Variants in AK2 observed in about 807,000 individuals in gnomAD.
The protein encoded by AK2 is adenylate kinase 2, also known as adenylate kinase 2, mitochondrial.
A neutral mutation model predicts 24.6 loss-of-function variants in AK2; 15 were observed. The observed-to-expected ratio is 0.61, with a 90% CI of 0.41 to 0.94. The LOEUF (loss-of-function observed/expected upper bound fraction) is 0.94. Among genes scored for constraint, AK2 ranks in the 40% least tolerant of loss-of-function variants. The pLI is 0.00. For missense variants in AK2, 257 were observed against 304.1 expected, an observed-to-expected ratio of 0.85 and a Z score of 1.15; for synonymous variants, 102 against 114.0, an observed-to-expected ratio of 0.90 and a Z score of 0.67.
chr1:33,012,794 G>A lies in AK2; in HGVS notation c.*387C>T. On this transcript the variant is annotated 3_prime_UTR_variant, in exon 6 of 6. Transcript: ENST00000672715. ...CACCTGTAGTCCCAGCTGCTCAGGAGGCTGAGGTGGGATAATTGCTTGAGC... is the reference window on the plus strand; with the variant it reads ...CACCTGTAGTCCCAGCTGCTCAGGAAGCTGAGGTGGGATAATTGCTTGAGC... The A allele has an allele frequency of 9.9e-7, 1 of 1,013,670 alleles. No homozygotes were observed. The highest frequency in any genetic ancestry group is 1.3e-5 in the South Asian group (1 of 75,236). 62.8% of individuals were successfully genotyped at this position (1,013,670 alleles called of 1,614,324 possible).
At chr1:33,015,901 T>A (rs1169935205) in intron 4 of AK2, among the ~76,000 whole-genome samples, 12 of 152,090 alleles carry the variant, frequency 7.9e-5, no homozygotes, top group Non-Finnish European at 2.9e-5. Flanking sequence ...ATAAAATAAA[T>A]AAAAATTCTA....
intron 3 of AK2, 35 bp from the exon 4 acceptor site, chr1:33,021,496 G>C: frequency 6.8e-6 from 11 of 1,609,380 alleles, no homozygotes; most frequent in Non-Finnish European, 9.4e-6. Flanking sequence ...TAAGCTACCA[G>C]AGCTTGGTTA....
chr1:33,022,637 G>T (rs1214004166), intron 2 of AK2, among the ~76,000 whole-genome samples: 1 of 152,096 alleles, frequency 6.6e-6, no homozygotes, highest in African/African-American at 2.4e-5. Context: ...TATTACAGGA[G>T]TGAGCCACCA....
rs1029768875 is a variant in AK2, at chr1:33,012,644, C to G, written c.*537G>C. 1 of 1,287,608 alleles carries G rather than the reference C, an allele frequency of 7.8e-7. No homozygotes were observed. The highest frequency in any genetic ancestry group is 2.3e-5 in the Admixed American group (1 of 43,556). 79.8% of individuals were successfully genotyped at this position (1,287,608 alleles called of 1,614,324 possible). A position where few individuals can be genotyped will look rare whatever the true frequency, so the allele number is the denominator to read the frequency against. On this transcript the variant is annotated 3_prime_UTR_variant, in exon 6 of 6. Coordinates refer to ENST00000672715, the MANE Select transcript of AK2 (RefSeq NM_001625.4). Reference sequence around the variant, plus strand: ...GGGTGTAGTGGCTCACGTCTGTGATCCTGGCACTTCAGGAGGCCAAGGTGG... The same window carrying G: ...GGGTGTAGTGGCTCACGTCTGTGATGCTGGCACTTCAGGAGGCCAAGGTGG...
chr1:33,035,021 C>CA (rs969669240), intron 1 of AK2, among the ~76,000 whole-genome samples: 17 of 150,856 alleles, frequency 1.1e-4, no homozygotes, highest in Non-Finnish European at 1.8e-4. Context: ...GACCCTGTCT[C>CA]AAAAAAAAGA....
At chr1:33,019,909 T>C (rs1639423931) in intron 4 of AK2, 7 of 1,392,488 alleles carry the variant, frequency 5.0e-6, no homozygotes, top group Non-Finnish European at 1.9e-6. Flanking sequence ...GTCATGGATG[T>C]CTGGTTCAAG....
At chr1:33,036,651 G>C in intron 1 of AK2, 85 bp downstream of exon 1, 1 of 1,305,328 alleles carries the variant, frequency 7.7e-7, no homozygotes, top group South Asian at 1.3e-5. Flanking sequence ...GCCCGCTCCG[G>C]GCAGGTCCAG....
intron 1 of AK2, chr1:33,029,473 A>T (rs1640109292): frequency 7.0e-6 from 1 of 143,388 alleles, no homozygotes; most frequent in Admixed American, 7.2e-5. Flanking sequence ...GAGTGCAGTG[A>T]CATGTTCATA....
In AK2 at chr1:33,021,332, A is replaced by G. The variant is rs1639537953; in HGVS notation, c.425+35T>C. 3 of 1,569,432 alleles carry G rather than the reference A, an allele frequency of 1.9e-6. No homozygotes were observed. In the East Asian group the frequency reaches 6.7e-5, roughly 35 times the overall value. On this transcript the variant is annotated intron_variant, in intron 4 of 5. Coordinates refer to ENST00000672715, the MANE Select transcript of AK2 (RefSeq NM_001625.4). The stretch of plus-strand genomic sequence containing the variant: ...ATTCTCAGAGTTTGAGAAAGCTCTG[A>G]GAAGCATGAAAAGGGACCTTCAAGG...
At position 33,011,504 on chromosome 1, in the gene AK2, T is replaced by A. The variant is rs1381605614; in HGVS notation, c.*1677A>T. 2 of 1,287,460 alleles carry A rather than the reference T, an allele frequency of 1.6e-6. No homozygotes were observed. Among genetic ancestry groups the A allele is most frequent in the South Asian group, 2.5e-5 (2 of 80,940 alleles). 79.8% of individuals were successfully genotyped at this position (1,287,460 alleles called of 1,614,324 possible). A position where few individuals can be genotyped will look rare whatever the true frequency, so the allele number is the denominator to read the frequency against. ...CAGGTACTCATGCCCAGTTGCCATG[T>A]GGACAGCAGATAAGACCTCTGGTAG... On this transcript the variant is annotated 3_prime_UTR_variant, in exon 6 of 6. Transcript: ENST00000672715.
rs1201210005 is a variant in AK2 at position 33,011,322 on chromosome 1, T to C, written c.*1859A>G. ...ACAGTTTTTGTTTCACTCCTCTTCC[T>C]TGCCCATTCCCAGAAGTCATGTGCT... On this transcript the variant is annotated 3_prime_UTR_variant, in exon 6 of 6. Coordinates refer to ENST00000672715, the MANE Select transcript of AK2 (RefSeq NM_001625.4). The C allele has an allele frequency of 7.8e-7, 1 of 1,288,886 alleles. No individual in the cohort carries two copies. Among genetic ancestry groups the C allele is most frequent in the Non-Finnish European group, 1.0e-6 (1 of 989,884 alleles). The allele number at this position is 1,288,886 out of a possible 1,614,324, so 79.8% of individuals were successfully genotyped here. A position where few individuals can be genotyped will look rare whatever the true frequency, so the allele number is the denominator to read the frequency against.
chr1:33,015,686 T>C (rs1639139775), intron 4 of AK2, among the ~76,000 whole-genome samples: 1 of 151,980 alleles, frequency 6.6e-6, no homozygotes, highest in Non-Finnish European at 1.5e-5. Context: ...AGGTCAGGAG[T>C]TCGAGACCAG....
rs1358546835 is a variant in AK2 at position 33,008,411 on chromosome 1, A to G, written c.*4770T>C. On this transcript the variant is annotated 3_prime_UTR_variant, in exon 6 of 6. Transcript: ENST00000672715. ...CATCCTGCTGTGTTCTGTCAGTGAC[A>G]CTTTGTGCACACAGGAGATCCTAAG... The G allele has an allele frequency of 2.2e-6, 1 of 453,958 alleles. No individual in the cohort carries two copies. Among genetic ancestry groups the G allele is most frequent in the Non-Finnish European group, 4.4e-6 (1 of 226,780 alleles). The allele number at this position is 453,958 out of a possible 1,614,324, so 28.1% of individuals were successfully genotyped here. A position where few individuals can be genotyped will look rare whatever the true frequency, so the allele number is the denominator to read the frequency against.
chr1:33,008,093 T>G lies in AK2; in HGVS notation c.*5088A>C, dbSNP rs1638586896. ...TATGATTTCTAGGGGATCCTTAGCC[T>G]GGTTCCGGATGGTCAGTAAGACAAC... On this transcript the variant is annotated 3_prime_UTR_variant, in exon 6 of 6. Transcript: ENST00000672715. 1 of 454,060 alleles carries G rather than the reference T, an allele frequency of 2.2e-6. No homozygotes were observed. Among genetic ancestry groups the G allele is most frequent in the Non-Finnish European group, 4.4e-6 (1 of 226,818 alleles). 28.1% of individuals were successfully genotyped at this position (454,060 alleles called of 1,614,324 possible).
chr1:33,032,433 A>G (rs775889728), intron 1 of AK2: 2 of 152,252 alleles, frequency 1.3e-5, no homozygotes, highest in Non-Finnish European at 2.9e-5. Context: ...ACTATTTTGA[A>G]AGCTGACAAA....
rs11591185 is a variant in AK2, at chr1:33,036,583, G to A, written c.93+153C>T. The stretch of plus-strand genomic sequence containing the variant: ...CCGACCTCCAATTTGGACCCTCTCC[G>A]AAATGCCCCACCAGAACCGAGACCC... On this transcript the variant is annotated intron_variant, in intron 1 of 5. Coordinates refer to ENST00000672715, the MANE Select transcript of AK2 (RefSeq NM_001625.4). 0.086 allele frequency among the ~76,000 whole-genome samples: 13,044 copies of A among 152,150 alleles called. 765 individuals are homozygous for A. Among genetic ancestry groups the A allele is most frequent in the Middle Eastern group, 0.14 (40 of 294 alleles).
chr1:33,036,689 C>T (rs1229654268), intron 1 of AK2, 47 bp downstream of exon 1: 2 of 1,522,514 alleles, frequency 1.3e-6, no homozygotes, highest in Admixed American at 2.0e-5. Flanking sequence ...CCGCCTTGAC[C>T]TTGGAGTTCA....
intron 1 of AK2, among the ~76,000 whole-genome samples, chr1:33,025,920 T>A (rs1639848685): frequency 6.6e-6 from 1 of 152,208 alleles, no homozygotes; most frequent in Admixed American, 6.5e-5. Context: ...AAGAACCCTG[T>A]CGGGAGCCTG....
At chr1:33,024,232 G>A (rs1639733216) in intron 2 of AK2, 4 of 670,370 alleles carry the variant, frequency 6.0e-6, no homozygotes, top group Middle Eastern at 8.4e-4. Flanking sequence ...CTAGCACATG[G>A]TTGTTCAACA....
Sources: gnomAD v4.1 joint callset for allele counts (sites outside exome capture counted in the v4.1 genomes callset) on GRCh38, gnomAD v4.1.1 for gene constraint, MANE v1.5 for transcripts, NCBI Gene and HGNC (gene_info 2026-07-23, HGNC 2026-07-21) for gene names.